Variants in KIAA1217 observed in about 807,000 individuals in gnomAD.
KIAA1217 encodes sickle tail protein homolog.
A neutral mutation model predicts 163.9 loss-of-function variants in KIAA1217; 88 were observed. That is an observed-to-expected ratio of 0.54 (90% CI 0.45 to 0.64). The LOEUF (loss-of-function observed/expected upper bound fraction) is 0.64. Among genes scored for constraint, KIAA1217 ranks in the 30% least tolerant of loss-of-function variants. KIAA1217 has a pLI of 0.00. For missense variants in KIAA1217, 2,372 were observed against 2,475.0 expected (o/e 0.96, Z 0.88); for synonymous variants, 903 against 923.1 (o/e 0.98, Z 0.39).
At chr10:24,486,843 C>T (rs1312050446) in intron 6 of KIAA1217, among the ~76,000 whole-genome samples, 2 of 152,142 alleles carry the variant, frequency 1.3e-5, no homozygotes, top group African/African-American at 2.4e-5. Flanking sequence ...ATCTATTTCG[C>T]TAATGGTCAG....
chr10:24,165,105 A>C (rs2065284180), intron 2 of KIAA1217, among the ~76,000 whole-genome samples: 1 of 152,214 alleles, frequency 6.6e-6, no homozygotes, highest in South Asian at 2.1e-4. Flanking sequence ...AGAGTAAAGC[A>C]AAGAGAAGTG....
intron 2 of KIAA1217, among the ~76,000 whole-genome samples, chr10:24,328,131 C>A (rs1248950112): frequency 6.6e-6 from 1 of 152,152 alleles, no homozygotes; most frequent in Non-Finnish European, 1.5e-5. Context: ...ATCACTGAGA[C>A]AACAAGTATT....
At position 23,873,540 on chromosome 10, in the gene KIAA1217, C is replaced by T. The variant is rs542995401; in HGVS notation, c.-320-133685C>T. Among the ~76,000 whole-genome samples the T allele has an allele frequency of 2.1e-4, 32 of 152,048 alleles. No individual in the cohort carries two copies. The South Asian group carries it at 5.0e-3, about 24-fold the overall frequency. On this transcript the variant is annotated intron_variant, in intron 1 of 18. Transcript: ENST00000376462. The stretch of plus-strand genomic sequence containing the variant: ...GATAAATGAGTTATAGTTAGGTAAA[C>T]GGATCTAAGCAATGTTTGAGTTTTC...
chr10:24,082,772 T>A (rs1316326399), intron 2 of KIAA1217, among the ~76,000 whole-genome samples: 1 of 152,328 alleles, frequency 6.6e-6, no homozygotes, highest in East Asian at 1.9e-4. Flanking sequence ...GTAATGGGAT[T>A]TCTGGGTCAA....
intron 2 of KIAA1217, among the ~76,000 whole-genome samples, chr10:24,203,611 G>A (rs1375276978): frequency 6.7e-6 from 1 of 148,348 alleles, no homozygotes; most frequent in Non-Finnish European, 1.5e-5. Context: ...CAGAGGAGAA[G>A]CTCAAGGGCA....
intron 1 of KIAA1217, among the ~76,000 whole-genome samples, chr10:23,841,027 T>A (rs1251680680): frequency 6.6e-6 from 1 of 152,236 alleles, no homozygotes; most frequent in East Asian, 1.9e-4. Flanking sequence ...TCCTTGGGTA[T>A]AATGTTGGAT....
chr10:24,511,172 A>AAAAAAAAAG (rs1554918365), intron 9 of KIAA1217, among the ~76,000 whole-genome samples: 2,906 of 115,014 alleles, frequency 0.025, 449 homozygotes, highest in African/African-American at 0.075. Flanking sequence ...AAAAAAAAAA[A>AAAAAAAAAG]AGGAGCCTGG....
chr10:24,539,011 C>T (rs1287923872), intron 17 of KIAA1217, among the ~76,000 whole-genome samples: 3 of 151,950 alleles, frequency 2.0e-5, no homozygotes, highest in Non-Finnish European at 4.4e-5. Context: ...GGATTACAGG[C>T]GTGAGCCACC....
At chr10:23,830,266 C>T (rs987604334) in intron 1 of KIAA1217, among the ~76,000 whole-genome samples, 1 of 152,070 alleles carries the variant, frequency 6.6e-6, no homozygotes, top group African/African-American at 2.4e-5. Context: ...TAGAATGTTT[C>T]ACCTATTTTG....
intron 6 of KIAA1217, among the ~76,000 whole-genome samples, chr10:24,490,747 T>C (rs1484771393): frequency 6.6e-6 from 1 of 152,196 alleles, no homozygotes; most frequent in Non-Finnish European, 1.5e-5. Context: ...AGAGAATGGC[T>C]TCCCCTCTAC....
chr10:24,427,112 C>A (rs1189879370), intron 3 of KIAA1217, among the ~76,000 whole-genome samples: 1 of 152,086 alleles, frequency 6.6e-6, no homozygotes, highest in Middle Eastern at 3.2e-3. Context: ...AAGAACCCTT[C>A]AGTGTTCAGG....
At chr10:23,848,393 A>G (rs940810577) in intron 1 of KIAA1217, among the ~76,000 whole-genome samples, 6 of 151,950 alleles carry the variant, frequency 3.9e-5, no homozygotes, top group Non-Finnish European at 8.8e-5. Context: ...GAGTGTTCAT[A>G]ACATTCATAA....
chr10:24,220,268 C>A (rs2069399331), intron 2 of KIAA1217, among the ~76,000 whole-genome samples: 1 of 152,130 alleles, frequency 6.6e-6, no homozygotes, highest in Non-Finnish European at 1.5e-5. Flanking sequence ...AGCATGGCAC[C>A]AACTACCGTG....
At chr10:24,376,461 C>T (rs1386435173) in intron 2 of KIAA1217, among the ~76,000 whole-genome samples, 2 of 152,122 alleles carry the variant, frequency 1.3e-5, no homozygotes, top group Non-Finnish European at 2.9e-5. Flanking sequence ...TCCCAGACTC[C>T]TGGTTAAATA....
intron 2 of KIAA1217, among the ~76,000 whole-genome samples, chr10:24,113,329 TA>T (rs1361102778): frequency 6.6e-6 from 1 of 152,200 alleles, no homozygotes; most frequent in Non-Finnish European, 1.5e-5. Flanking sequence ...CCATTCCTGG[TA>T]AGCAACAGCT....
At chr10:24,195,309 A>G (rs898606255) in intron 2 of KIAA1217, among the ~76,000 whole-genome samples, 1 of 152,120 alleles carries the variant, frequency 6.6e-6, no homozygotes, top group Non-Finnish European at 1.5e-5. Context: ...ATGTCTTCTT[A>G]ATCCAGACCC....
Position 24,501,503 on chromosome 10 carries a change from G to A in KIAA1217, c.1959G>A (p.Val653=). ...HMSLLEMRRS[V]AELRLQLQQM... Reference sequence around the variant, plus strand: ...GCCTGCTTGAGATGAGGCGGAGCGTGGCGGAACTCAGGCTCCAGCTCCAGC... The same window carrying A: ...GCCTGCTTGAGATGAGGCGGAGCGTAGCGGAACTCAGGCTCCAGCTCCAGC... The change falls in exon 9 of 21, where the codon GTG becomes GTA. Residue 653 remains valine (V), a synonymous_variant. Transcript: ENST00000376454. The A allele has an allele frequency of 1.2e-6, 2 of 1,613,848 alleles. No homozygotes were observed. Among genetic ancestry groups the A allele is most frequent in the Non-Finnish European group, 1.7e-6 (2 of 1,179,902 alleles).
intron 2 of KIAA1217, among the ~76,000 whole-genome samples, chr10:24,177,299 T>TATATATA (rs1554894744): frequency 0.097 from 4,504 of 46,592 alleles, 571 homozygotes; most frequent in South Asian, 0.12. Context: ...ATATATATAT[T>TATATATA]ACAATTTCTT....
At chr10:24,026,075 C>A (rs1018983751) in intron 2 of KIAA1217, among the ~76,000 whole-genome samples, 1 of 151,608 alleles carries the variant, frequency 6.6e-6, no homozygotes, top group Non-Finnish European at 1.5e-5. Flanking sequence ...AATGTAGTAC[C>A]TTTTTTCAAA....
Sources: allele counts gnomAD v4.1 joint callset (sites outside exome capture counted in the v4.1 genomes callset), GRCh38; gene constraint gnomAD v4.1.1; transcripts MANE v1.5; gene names NCBI Gene and HGNC (gene_info 2026-07-23, HGNC 2026-07-21).